Variants in MYPN observed in about 807,000 individuals in gnomAD.
MYPN encodes the protein myopalladin, also known as sarcomeric protein myopalladin, 145 kDa (MYOP).
In MYPN, 63 loss-of-function variants were observed where a neutral mutation model predicts 129.4. The ratio of observed to expected loss-of-function variants is 0.49; its 90% CI spans 0.40 to 0.60. MYPN has a LOEUF of 0.60. MYPN is among the 20% of genes least tolerant of loss of function. The pLI, the probability that MYPN is intolerant of heterozygous loss-of-function variation, is 0.00. For missense variants in MYPN, 1,596 were observed against 1,635.4 expected (o/e 0.98, Z 0.42); for synonymous variants, 629 against 600.9 (o/e 1.05, Z -0.68).
chr10:68,157,029 A>G (rs1414280963), intron 6 of MYPN, among the ~76,000 whole-genome samples: 3 of 152,250 alleles, frequency 2.0e-5, no homozygotes, highest in Non-Finnish European at 4.4e-5. Context: ...TTTTCAGCTC[A>G]CAAACCATGA....
In MYPN at chr10:68,210,729, A is replaced by G. The variant is rs1186138727; in HGVS notation, c.*274A>G. The G allele has an allele frequency of 7.3e-6, 4 of 550,524 alleles. No individual in the cohort carries two copies. Among genetic ancestry groups the G allele is most frequent in the East Asian group, 8.8e-5 (2 of 22,712 alleles). 34.1% of individuals were successfully genotyped at this position (550,524 alleles called of 1,614,324 possible). On this transcript the variant is annotated 3_prime_UTR_variant, in exon 20 of 20. Transcript: ENST00000358913. The stretch of plus-strand genomic sequence containing the variant: ...CACAGTTGCCATCCACTGCTTTGGG[A>G]AAAAACTAGCATGCTCCCCTGCTCC...
chr10:68,205,645 C>A (rs2134332050), intron 18 of MYPN, among the ~76,000 whole-genome samples: 1 of 152,202 alleles, frequency 6.6e-6, no homozygotes, highest in Middle Eastern at 3.4e-3. Flanking sequence ...CGAGATCACA[C>A]CACTGCATTC....
chr10:68,095,170 C>G (rs916290180), intron 1 of MYPN, among the ~76,000 whole-genome samples: 3 of 151,764 alleles, frequency 2.0e-5, no homozygotes, highest in African/African-American at 7.3e-5. Flanking sequence ...ATGGTAAAAC[C>G]CCTTCTCTAC....
At position 68,160,565 on chromosome 10, in the gene MYPN, T is replaced by C. The variant is rs113053857; in HGVS notation, c.1460-1164T>C. On this transcript the variant is annotated intron_variant, in intron 7 of 19. Coordinates refer to ENST00000358913, the MANE Select transcript of MYPN (RefSeq NM_032578.4). Reference sequence around the variant, plus strand: ...CAATTCAATATCAATCAAACACCTGTATTCAGTACCACCGTGGGCACTTTC... The same window carrying C: ...CAATTCAATATCAATCAAACACCTGCATTCAGTACCACCGTGGGCACTTTC... Among the ~76,000 whole-genome samples the C allele has an allele frequency of 5.0e-3, 765 of 152,274 alleles. 8 individuals carry two copies. Among genetic ancestry groups the C allele is most frequent in the African/African-American group, 0.017 (715 of 41,556 alleles).
chr10:68,197,538 T>C (rs1004511040), intron 16 of MYPN, 60 bp downstream of exon 16: 9 of 1,605,376 alleles, frequency 5.6e-6, no homozygotes, highest in East Asian at 2.2e-5. Flanking sequence ...TTGTTTGCAT[T>C]CATTTTTATT....
intron 10 of MYPN, among the ~76,000 whole-genome samples, chr10:68,170,956 C>A (rs886359564): frequency 6.6e-6 from 1 of 151,952 alleles, no homozygotes; most frequent in African/African-American, 2.4e-5. Context: ...CTAGACTACC[C>A]TGGCCAACAT....
Position 68,211,387 on chromosome 10 carries a change from A to G in MYPN, c.*932A>G, listed in dbSNP as rs377538665. On this transcript the variant is annotated 3_prime_UTR_variant, in exon 20 of 20. Transcript: ENST00000358913. Reference sequence around the variant, plus strand: ...GAAAGTGTAGGAGGAAGGAAGAGATACAAACAAGGAGAGGAAATGATGGGA... The same window carrying G: ...GAAAGTGTAGGAGGAAGGAAGAGATGCAAACAAGGAGAGGAAATGATGGGA... 2.2e-6 allele frequency: 1 copy of G among 454,070 alleles called. No individual in the cohort carries two copies. Among genetic ancestry groups the G allele is most frequent in the Non-Finnish European group, 4.4e-6 (1 of 226,780 alleles). The allele number at this position is 454,070 out of a possible 1,614,324, so 28.1% of individuals were successfully genotyped here.
In MYPN at chr10:68,126,951, T is replaced by G. The variant is rs10997937; in HGVS notation, c.902+4611T>G. 8.7e-4 allele frequency among the ~76,000 whole-genome samples: 133 copies of G among 152,334 alleles called. 2 individuals carry two copies. The East Asian group carries it at 0.025, about 28-fold the overall frequency. On this transcript the variant is annotated intron_variant, in intron 2 of 19. Coordinates refer to ENST00000358913, the MANE Select transcript of MYPN (RefSeq NM_032578.4). ...AAGGAACCGTAAACACAACTAATAC[T>G]TGGAGCCATCTCCTAGTTGGTTCAG...
chr10:68,136,152 A>G, intron 2 of MYPN: 1 of 903,562 alleles, frequency 1.1e-6, no homozygotes, highest in African/African-American at 1.8e-5. Context: ...TAAAGAGCCA[A>G]AAGTCCAGTT....
chr10:68,179,217 C>T (rs1321563730), intron 12 of MYPN, among the ~76,000 whole-genome samples: 1 of 152,070 alleles, frequency 6.6e-6, no homozygotes, highest in African/African-American at 2.4e-5. Flanking sequence ...CCATTCATTC[C>T]CTTTCTAACA....
chr10:68,175,321 A>G lies in MYPN; in HGVS notation c.2565-2A>G, dbSNP rs746850858. The G allele has an allele frequency of 6.2e-7, 1 of 1,613,922 alleles. No homozygotes were observed. Among genetic ancestry groups the G allele is most frequent in the Admixed American group, 1.7e-5 (1 of 60,006 alleles). The stretch of plus-strand genomic sequence containing the variant: ...TGTGTCAGGTGTGGATTTATCTTAC[A>G]GGCCATCCCAGGGATTAGCGAAGAA... On this transcript the variant is annotated splice_acceptor_variant, in intron 11 of 19. Transcript: ENST00000358913. LOFTEE classifies it high-confidence loss of function.
At chr10:68,161,595 A>G in intron 7 of MYPN, 134 bp from the exon 8 acceptor site, 1 of 687,530 alleles carries the variant, frequency 1.5e-6, no homozygotes, top group Non-Finnish European at 2.5e-6. Flanking sequence ...CATCTTACTT[A>G]ATATTGTCAC....
At chr10:68,193,797 GCACACACACACACA>G (rs368376657) in intron 13 of MYPN, among the ~76,000 whole-genome samples, 23 of 127,702 alleles carry the variant, frequency 1.8e-4, no homozygotes, top group East Asian at 1.7e-3. Flanking sequence ...ATGTGTATGT[GCACACACACACACA>G]CACACACACA....
intron 10 of MYPN, among the ~76,000 whole-genome samples, chr10:68,171,426 T>C (rs1024658271): frequency 1.3e-5 from 2 of 152,116 alleles, no homozygotes; most frequent in Admixed American, 6.5e-5. Context: ...GGAAGCTTGG[T>C]TGGAATGCAG....
intron 12 of MYPN, among the ~76,000 whole-genome samples, chr10:68,178,046 G>A (rs1342948271): frequency 2.0e-5 from 3 of 152,138 alleles, no homozygotes; most frequent in Non-Finnish European, 4.4e-5. Flanking sequence ...TATAAATTAT[G>A]TTTTAAAATG....
At position 68,201,993 on chromosome 10, in the gene MYPN, A is replaced by G. The variant is rs1252747604; in HGVS notation, c.3658A>G (p.Ser1220Gly). Residue 1220 changes from serine (S) to glycine (G), a missense_variant and splice_region_variant, in exon 18 of 20, where the codon AGT becomes GGT. Transcript: ENST00000358913. ...CATCCCTTGCACCAGAGAGAGGATCAGGTACAGCAGCCACCACATCCAGAG... is the reference window on the plus strand; with the variant it reads ...CATCCCTTGCACCAGAGAGAGGATCGGGTACAGCAGCCACCACATCCAGAG... The part of the protein sequence containing the change: ...ETIPCTRERI[S>G]MHQDTTGYAC... 4 of 1,614,022 alleles carry G rather than the reference A, an allele frequency of 2.5e-6. No homozygotes were observed. The highest frequency in any genetic ancestry group is 3.4e-6 in the Non-Finnish European group (4 of 1,179,958).
chr10:68,095,349 CAAAA>C (rs34153833), intron 1 of MYPN, among the ~76,000 whole-genome samples: 1 of 114,652 alleles, frequency 8.7e-6, no homozygotes, highest in Non-Finnish European at 2.1e-5. Flanking sequence ...GTCCCTGTCT[CAAAA>C]AAAAAAAAAA....
intron 7 of MYPN, 60 bp from the exon 8 acceptor site, chr10:68,161,669 T>A (rs2042978792): frequency 7.3e-7 from 1 of 1,375,246 alleles, no homozygotes; most frequent in African/African-American, 1.4e-5. Flanking sequence ...AAGCTTCTGA[T>A]GAACATGTAG....
chr10:68,100,847 G>A (rs1290627944), intron 1 of MYPN, among the ~76,000 whole-genome samples: 2 of 152,082 alleles, frequency 1.3e-5, no homozygotes, highest in African/African-American at 4.8e-5. Flanking sequence ...GTGAACATAC[G>A]ATCATTTTTA....
Sources: gnomAD v4.1 joint callset for allele counts (sites outside exome capture counted in the v4.1 genomes callset) on GRCh38, gnomAD v4.1.1 for gene constraint, MANE v1.5 for transcripts, NCBI Gene and HGNC (gene_info 2026-07-23, HGNC 2026-07-21) for gene names.